The following TAOK3 variants were observed in gnomAD, a reference collection of about 807,000 sequenced individuals.
The protein encoded by TAOK3 is serine/threonine-protein kinase TAO3.
In TAOK3, 40 loss-of-function variants were observed where a neutral mutation model predicts 120.4. The observed-to-expected ratio is 0.33, with a 90% CI of 0.26 to 0.43. TAOK3 has a LOEUF of 0.43. TAOK3 is among the 20% of genes least tolerant of loss of function. TAOK3 has a pLI of 1.00. For missense variants in TAOK3, 821 were observed against 1,112.1 expected (o/e 0.74, Z 3.72); for synonymous variants, 355 against 387.5 (o/e 0.92, Z 0.99).
At chr12:118,159,370 A>ATG (rs1371716894) in intron 19 of TAOK3, among the ~76,000 whole-genome samples, 2 of 147,850 alleles carry the variant, frequency 1.4e-5, no homozygotes. Flanking sequence ...GAGTGCAGTG[A>ATG]TGTGATCTCA....
At chr12:118,171,803 C>A (rs1318310261) in intron 17 of TAOK3, among the ~76,000 whole-genome samples, 2 of 152,152 alleles carry the variant, frequency 1.3e-5, no homozygotes, top group Admixed American at 1.3e-4. Flanking sequence ...TAATATTGTT[C>A]TGCCCGCCAC....
At chr12:118,203,562 G>C (rs2038137814) in intron 11 of TAOK3, among the ~76,000 whole-genome samples, 1 of 151,826 alleles carries the variant, frequency 6.6e-6, no homozygotes, top group African/African-American at 2.4e-5. Context: ...AAATTAACTG[G>C]GCATGGTGAC....
At chr12:118,194,921 G>C (rs959954889) in intron 13 of TAOK3, among the ~76,000 whole-genome samples, 17 of 151,976 alleles carry the variant, frequency 1.1e-4, no homozygotes, top group Admixed American at 9.8e-4. Flanking sequence ...GCTAATTTTT[G>C]TATTTTTAGT....
chr12:118,356,141 G>T (rs1386263733), intron 1 of TAOK3, among the ~76,000 whole-genome samples: 3 of 152,058 alleles, frequency 2.0e-5, no homozygotes, highest in Non-Finnish European at 2.9e-5. Context: ...ACCTTTCCTT[G>T]AACTGAAAAC....
chr12:118,162,690 C>T (rs994310047), intron 17 of TAOK3, among the ~76,000 whole-genome samples: 6 of 152,072 alleles, frequency 3.9e-5, no homozygotes, highest in African/African-American at 1.2e-4. Context: ...TGAGATCTCT[C>T]CCCTTTCATC....
At chr12:118,246,459 G>A in intron 3 of TAOK3, 1 of 1,503,086 alleles carries the variant, frequency 6.7e-7, no homozygotes. Flanking sequence ...CAGGTTCAAG[G>A]CGTTTGTTGC....
At chr12:118,298,909 G>C (rs2042776470) in intron 1 of TAOK3, among the ~76,000 whole-genome samples, 1 of 152,168 alleles carries the variant, frequency 6.6e-6, no homozygotes, top group African/African-American at 2.4e-5. Flanking sequence ...GATGCGCTTT[G>C]TTGTTCTGAC....
intron 11 of TAOK3, among the ~76,000 whole-genome samples, chr12:118,205,742 C>G (rs1205537446): frequency 1.3e-5 from 2 of 152,132 alleles, no homozygotes; most frequent in African/African-American, 4.8e-5. Flanking sequence ...TCCCCAGTAG[C>G]TGGGATTACA....
chr12:118,218,549 C>T (rs192924266), intron 9 of TAOK3, among the ~76,000 whole-genome samples: 157 of 152,070 alleles, frequency 1.0e-3, no homozygotes, highest in Middle Eastern at 6.8e-3. Context: ...ATAGTTATAC[C>T]GCATTGTTTA....
intron 19 of TAOK3, among the ~76,000 whole-genome samples, chr12:118,157,367 C>A (rs1592966579): frequency 2.0e-5 from 3 of 152,268 alleles, no homozygotes; most frequent in African/African-American, 7.2e-5. Context: ...CGGATAAAGA[C>A]AAAAATTCTT....
chr12:118,238,205 C>G (rs199742488), intron 6 of TAOK3, 36 bp from the exon 7 acceptor site: 17 of 1,243,714 alleles, frequency 1.4e-5, no homozygotes, highest in Non-Finnish European at 1.8e-5. Context: ...AGTAGATGAT[C>G]AGTTTCATTC....
intron 10 of TAOK3, 150 bp downstream of exon 10, chr12:118,213,867 G>A: frequency 1.5e-6 from 1 of 683,912 alleles, no homozygotes; most frequent in East Asian, 2.8e-5. Flanking sequence ...GTAGACAGTT[G>A]ATGCTTGTGA....
chr12:118,198,921 T>C, intron 13 of TAOK3, 130 bp downstream of exon 13: 2 of 910,290 alleles, frequency 2.2e-6, no homozygotes, highest in East Asian at 5.0e-5. Flanking sequence ...AAGAAAACTG[T>C]CACATGCCAG....
rs986765633 is a variant in TAOK3 at position 118,246,606 on chromosome 12, G to A, written c.121-1641C>T. 9 of 1,573,852 alleles carry A rather than the reference G, an allele frequency of 5.7e-6. No homozygotes were observed. The African/African-American group carries it at 1.1e-4, about 19-fold the overall frequency. On this transcript the variant is annotated intron_variant, in intron 3 of 20. Transcript: ENST00000392533. ...CAGAGGCTACTGGGGGAACAAGATC[G>A]GCAAGCCCCACACTGTCCCTTGCAA...
chr12:118,237,208 T>C (rs1210438801), intron 7 of TAOK3, among the ~76,000 whole-genome samples: 3 of 152,170 alleles, frequency 2.0e-5, no homozygotes, highest in African/African-American at 2.4e-5. Flanking sequence ...ATGGCTACAC[T>C]GGGGTGATTA....
intron 9 of TAOK3, among the ~76,000 whole-genome samples, chr12:118,230,786 C>T (rs1255425146): frequency 3.3e-5 from 5 of 152,024 alleles, no homozygotes; most frequent in Admixed American, 2.0e-4. Context: ...TGAACTTTTA[C>T]GTAGTATTGT....
At chr12:118,243,843 AT>A (rs1347290772) in intron 4 of TAOK3, among the ~76,000 whole-genome samples, 3 of 151,740 alleles carry the variant, frequency 2.0e-5, no homozygotes, top group Admixed American at 6.6e-5. Context: ...GACCAAACTA[AT>A]TTTTTTGTAT....
At chr12:118,151,244 T>C (rs1413773941) in intron 20 of TAOK3, 86 bp from the exon 21 acceptor site, 16 of 1,402,370 alleles carry the variant, frequency 1.1e-5, no homozygotes, top group East Asian at 2.3e-5. Context: ...GGCACACATA[T>C]GACATGCACA....
At chr12:118,332,997 G>C (rs1036698376) in intron 1 of TAOK3, among the ~76,000 whole-genome samples, 4 of 102,424 alleles carry the variant, frequency 3.9e-5, no homozygotes, top group Admixed American at 1.9e-4. Context: ...CACACACACA[G>C]ATAGAGCTAA....
Sources: allele counts gnomAD v4.1 joint callset (sites outside exome capture counted in the v4.1 genomes callset), GRCh38; gene constraint gnomAD v4.1.1; transcripts MANE v1.5; gene names NCBI Gene and HGNC (gene_info 2026-07-23, HGNC 2026-07-21).